SPMIP11: variants seen among roughly 807,000 people sequenced by gnomAD.
SPMIP11 encodes the protein long intergenic non-protein coding RNA 935.
the SPMIP11 span, among the ~76,000 whole-genome samples, chr12:48,745,889 C>T: frequency 1.9e-4 from 29 of 152,152 alleles, no homozygotes; most frequent in South Asian, 2.1e-4. Context: ...TATATAAACC[C>T]ATACATACTT....
the SPMIP11 span, chr12:48,769,058 A>G: frequency 1.2e-6 from 2 of 1,610,828 alleles, no homozygotes; most frequent in Non-Finnish European, 8.5e-7. Flanking sequence ...GCCCATGTTC[A>G]GCCCTGAGGT....
At chr12:48,767,674 A>G in the SPMIP11 span, 1 of 152,642 alleles carries the variant, frequency 6.6e-6, no homozygotes, top group Non-Finnish European at 1.5e-5. Context: ...GAGATGCTCC[A>G]TGCCCCCTTG....
the SPMIP11 span, chr12:48,727,503 T>A: frequency 1.4e-6 from 1 of 702,976 alleles, no homozygotes; most frequent in Non-Finnish European, 2.6e-6. Context: ...AACTTGTATC[T>A]ATTGGGATAT....
the SPMIP11 span, among the ~76,000 whole-genome samples, chr12:48,747,926 A>G: frequency 2.0e-5 from 3 of 152,106 alleles, no homozygotes; most frequent in African/African-American, 7.2e-5. Flanking sequence ...GCTTTTATCT[A>G]AGATGTTTAG....
At chr12:48,748,325 A>T in the SPMIP11 span, among the ~76,000 whole-genome samples, 5 of 152,200 alleles carry the variant, frequency 3.3e-5, no homozygotes, top group South Asian at 2.1e-4. Flanking sequence ...ATCAGTATAC[A>T]AATATGCTAT....
chr12:48,736,295 C>G, the SPMIP11 span: 2 of 254,910 alleles, frequency 7.8e-6, no homozygotes, highest in Non-Finnish European at 1.6e-5. Context: ...GGCTGTAGTC[C>G]CAGCTACTCT....
chr12:48,766,389 C>T, the SPMIP11 span: 2 of 152,642 alleles, frequency 1.3e-5, no homozygotes, highest in Admixed American at 1.3e-4. Flanking sequence ...ATGGCTGGCA[C>T]TGTGGTACGG....
the SPMIP11 span, among the ~76,000 whole-genome samples, chr12:48,737,305 A>G: frequency 2.6e-5 from 4 of 151,852 alleles, no homozygotes; most frequent in South Asian, 2.1e-4. Context: ...TTTCAAAATG[A>G]TGGAATTTAT....
At chr12:48,737,256 A>G in the SPMIP11 span, among the ~76,000 whole-genome samples, 1 of 150,714 alleles carries the variant, frequency 6.6e-6, no homozygotes, top group Admixed American at 6.6e-5. Flanking sequence ...CGGTCTCTGG[A>G]AACTTTTGAT....
chr12:48,749,482 G>A, the SPMIP11 span, among the ~76,000 whole-genome samples: 1 of 151,126 alleles, frequency 6.6e-6, no homozygotes, highest in African/African-American at 2.4e-5. Context: ...TAAAAAATTA[G>A]CCGGGCATGG....
the SPMIP11 span, chr12:48,759,093 G>T: frequency 1.6e-6 from 1 of 611,026 alleles, no homozygotes; most frequent in Non-Finnish European, 3.0e-6. Context: ...CTGAAAATTG[G>T]ATGTGAGTGG....
the SPMIP11 span, chr12:48,759,243 C>G: frequency 7.1e-6 from 5 of 702,870 alleles, no homozygotes; most frequent in South Asian, 5.9e-5. Flanking sequence ...GGCTTCCCCC[C>G]ATTATCTCAA....
At chr12:48,764,061 C>G in the SPMIP11 span, among the ~76,000 whole-genome samples, 1 of 151,836 alleles carries the variant, frequency 6.6e-6, no homozygotes, top group Non-Finnish European at 1.5e-5. Context: ...TGGCTCACCG[C>G]AACCTCTGCC....
At chr12:48,743,933 C>CAAAAAAA in the SPMIP11 span, among the ~76,000 whole-genome samples, 28 of 34,890 alleles carry the variant, frequency 8.0e-4, no homozygotes, top group African/African-American at 2.6e-3. Context: ...GACTTCGTCT[C>CAAAAAAA]AAAAAAAAAA....
chr12:48,732,146 CA>C, the SPMIP11 span, among the ~76,000 whole-genome samples: 5,576 of 100,672 alleles, frequency 0.055, 148 homozygotes, highest in African/African-American at 0.1. Context: ...AAGATTGTCT[CA>C]AAAAAAAAAA....
the SPMIP11 span, among the ~76,000 whole-genome samples, chr12:48,755,983 T>C: frequency 6.6e-6 from 1 of 150,448 alleles, no homozygotes; most frequent in African/African-American, 2.4e-5. Flanking sequence ...GTTCACGCCA[T>C]TCTCCTGCCT....
the SPMIP11 span, among the ~76,000 whole-genome samples, chr12:48,735,823 G>A: frequency 6.6e-6 from 1 of 152,070 alleles, no homozygotes; most frequent in Non-Finnish European, 1.5e-5. Context: ...GGTGGAGGTT[G>A]TAGTGAGCCA....
chr12:48,751,796 G>A, the SPMIP11 span, among the ~76,000 whole-genome samples: 1 of 152,034 alleles, frequency 6.6e-6, no homozygotes, highest in South Asian at 2.1e-4. Context: ...GCCGGGTGCG[G>A]TGGCTCACAC....
the SPMIP11 span, among the ~76,000 whole-genome samples, chr12:48,770,063 AT>A: frequency 0.025 from 2,829 of 112,872 alleles, 62 homozygotes; most frequent in African/African-American, 0.08. Context: ...GCCCGGCCTA[AT>A]TTTTTTTTTT....
Sources: allele counts gnomAD v4.1 joint callset (sites outside exome capture counted in the v4.1 genomes callset), GRCh38; gene constraint gnomAD v4.1.1; transcripts MANE v1.5; gene names NCBI Gene and HGNC (gene_info 2026-07-23, HGNC 2026-07-21).